The following YME1L1 variants were observed in gnomAD, a reference collection of about 807,000 sequenced individuals.
YME1L1 encodes the protein YME1 like 1 ATPase.
Under a neutral mutation model 90.4 loss-of-function variants are expected in YME1L1, and 39 were observed. The ratio of observed to expected loss-of-function variants is 0.43; its 90% CI spans 0.33 to 0.56. The LOEUF (loss-of-function observed/expected upper bound fraction) is 0.56, where lower values mean the gene tolerates loss of function less well. Ranked by LOEUF, YME1L1 falls within the 20% of genes least tolerant of loss-of-function variation. YME1L1 has a pLI of 0.03. For synonymous variants in YME1L1, 284 were observed against 287.3 expected (o/e 0.99, Z 0.12); for missense variants, 617 against 868.4 (o/e 0.71, Z 3.64).
chr10:27,126,369 C>T (rs1274248096), intron 9 of YME1L1, among the ~76,000 whole-genome samples: 1 of 152,072 alleles, frequency 6.6e-6, no homozygotes, highest in Non-Finnish European at 1.5e-5. Context: ...GTTGTGGCTA[C>T]AGCGAGCCAT....
intron 2 of YME1L1, among the ~76,000 whole-genome samples, chr10:27,148,158 GT>G (rs139299898): frequency 2.7e-5 from 4 of 150,312 alleles, no homozygotes; most frequent in African/African-American, 9.8e-5. Flanking sequence ...AAAAACAGGT[GT>G]TTTTTTTTAG....
At chr10:27,119,231 C>T in intron 14 of YME1L1, 63 bp downstream of exon 14, 1 of 1,461,478 alleles carries the variant, frequency 6.8e-7, no homozygotes, top group Non-Finnish European at 9.1e-7. Context: ...GAGTATTTGC[C>T]CCTAAATGAA....
chr10:27,120,508 T>C lies in YME1L1; in HGVS notation c.1338A>G (p.Thr446=). Residue 446 remains threonine (T), a synonymous_variant, in exon 13 of 19, where the codon ACA becomes ACG. Coordinates refer to ENST00000376016, the MANE Select transcript of YME1L1 (RefSeq NM_014263.4). The part of the protein sequence containing the change: ...IRPGRFDMQV[T]VPRPDVKGRT... Reference sequence around the variant, plus strand: ...GACCTTTTACATCTGGCCTTGGAACTGTAACTTGCATGTCAAAACGACCAG... The same window carrying C: ...GACCTTTTACATCTGGCCTTGGAACCGTAACTTGCATGTCAAAACGACCAG... 2 of 1,613,592 alleles carry C rather than the reference T, an allele frequency of 1.2e-6. No individual in the cohort carries two copies. The highest frequency in any genetic ancestry group is 1.1e-5 in the South Asian group (1 of 91,016).
At chr10:27,147,336 A>G in intron 2 of YME1L1, 1 of 1,349,274 alleles carries the variant, frequency 7.4e-7, no homozygotes. Flanking sequence ...TTTACAAAAA[A>G]TTTAAAAATG....
At chr10:27,147,091 A>T (rs2057152063) in intron 2 of YME1L1, 1 of 343,762 alleles carries the variant, frequency 2.9e-6, no homozygotes, top group Admixed American at 4.3e-5. Context: ...TCAAGGAAAG[A>T]AAAAATTAAA....
At chr10:27,147,198 A>C in intron 2 of YME1L1, 1 of 590,662 alleles carries the variant, frequency 1.7e-6, no homozygotes, top group African/African-American at 1.9e-5. Flanking sequence ...TGGAGAACTA[A>C]GGAAGATAGA....
At chr10:27,132,782 T>C (rs1284481419) in intron 7 of YME1L1, among the ~76,000 whole-genome samples, 1 of 151,830 alleles carries the variant, frequency 6.6e-6, no homozygotes, top group Admixed American at 6.6e-5. Flanking sequence ...ATTGCCCCAC[T>C]GCACTCCAGC....
intron 18 of YME1L1, 83 bp from the exon 19 acceptor site, chr10:27,112,203 A>G (rs1184368296): frequency 4.0e-5 from 49 of 1,220,878 alleles, no homozygotes; most frequent in Non-Finnish European, 5.6e-5. Flanking sequence ...GAAAAACTTT[A>G]TGTACCCTAA....
In YME1L1 at chr10:27,111,929, C is replaced by T; in HGVS notation, c.*48G>A. The T allele has an allele frequency of 6.2e-7, 1 of 1,606,010 alleles. No individual in the cohort carries two copies. The highest frequency in any genetic ancestry group is 1.3e-5 in the African/African-American group (1 of 74,844). ...GTAAAAGTAGACTACTGCAATGCTA[C>T]TTGTATTCTTGCAATAAAACCAGCA... On this transcript the variant is annotated 3_prime_UTR_variant, in exon 19 of 19. Transcript: ENST00000376016.
In YME1L1 at chr10:27,123,822, T is replaced by C. The variant is rs553334608; in HGVS notation, c.950-123A>G. Reference sequence around the variant, plus strand: ...AGGCTGAGGTCACACCAATAACCAATATTTTGAAACACAGCAAACCGTACT... The same window carrying C: ...AGGCTGAGGTCACACCAATAACCAACATTTTGAAACACAGCAAACCGTACT... On this transcript the variant is annotated intron_variant, in intron 9 of 18. Coordinates refer to ENST00000376016, the MANE Select transcript of YME1L1 (RefSeq NM_014263.4). 6.2e-5 allele frequency: 64 copies of C among 1,027,818 alleles called. No homozygotes were observed. In the South Asian group the frequency reaches 1.3e-3, roughly 21 times the overall value. The allele number at this position is 1,027,818 out of a possible 1,614,324, so 63.7% of individuals were successfully genotyped here. A position where few individuals can be genotyped will look rare whatever the true frequency, so the allele number is the denominator to read the frequency against.
chr10:27,126,462 A>C (rs901678160), intron 9 of YME1L1, among the ~76,000 whole-genome samples: 1 of 152,032 alleles, frequency 6.6e-6, no homozygotes, highest in African/African-American at 2.4e-5. Context: ...GGGTATGAGG[A>C]GCATTCTATG....
At chr10:27,120,242 G>A (rs1402869223) in intron 13 of YME1L1, among the ~76,000 whole-genome samples, 193 bp downstream of exon 13, 1 of 151,750 alleles carries the variant, frequency 6.6e-6, no homozygotes, top group African/African-American at 2.4e-5. Context: ...TTTAGACTCA[G>A]GGTTCAAAAC....
At chr10:27,137,103 C>T (rs946051539) in intron 4 of YME1L1, among the ~76,000 whole-genome samples, 2 of 150,350 alleles carry the variant, frequency 1.3e-5, no homozygotes, top group African/African-American at 4.9e-5. Context: ...TTGGTAATTA[C>T]ATAATGTTTT....
At chr10:27,139,883 A>G (rs1046602283) in intron 4 of YME1L1, among the ~76,000 whole-genome samples, 1 of 152,020 alleles carries the variant, frequency 6.6e-6, no homozygotes, top group Non-Finnish European at 1.5e-5. Flanking sequence ...CTTTTTTTAT[A>G]CTAAATTTGT....
chr10:27,128,014 CAAAT>C (rs988205604), intron 8 of YME1L1, among the ~76,000 whole-genome samples: 45 of 152,230 alleles, frequency 3.0e-4, no homozygotes, highest in African/African-American at 9.9e-4. Flanking sequence ...ATTTAATACT[CAAAT>C]AAACTATATT....
intron 15 of YME1L1, among the ~76,000 whole-genome samples, chr10:27,116,903 T>G (rs2056818907): frequency 6.6e-6 from 1 of 151,846 alleles, no homozygotes; most frequent in African/African-American, 2.4e-5. Flanking sequence ...CAGATACAGT[T>G]CTGATATAGT....
At chr10:27,130,688 C>G (rs1260665623) in intron 8 of YME1L1, among the ~76,000 whole-genome samples, 1 of 152,058 alleles carries the variant, frequency 6.6e-6, no homozygotes, top group East Asian at 1.9e-4. Flanking sequence ...CCTGTTTCTA[C>G]TAAAAACACA....
intron 14 of YME1L1, among the ~76,000 whole-genome samples, chr10:27,117,997 T>C (rs2056830733): frequency 6.6e-6 from 1 of 152,230 alleles, no homozygotes; most frequent in Admixed American, 6.5e-5. Context: ...GAGAATTATG[T>C]AGGTATATGC....
At chr10:27,132,026 C>T in intron 7 of YME1L1, 85 bp from the exon 8 acceptor site, 1 of 1,117,162 alleles carries the variant, frequency 9.0e-7, no homozygotes, top group Non-Finnish European at 1.3e-6. Context: ...AAAGCAAAGC[C>T]TAGAAAAATT....
Sources: allele counts gnomAD v4.1 joint callset (sites outside exome capture counted in the v4.1 genomes callset), GRCh38; gene constraint gnomAD v4.1.1; transcripts MANE v1.5; gene names NCBI Gene and HGNC (gene_info 2026-07-23, HGNC 2026-07-21).